Variants in RORA observed in about 807,000 individuals in gnomAD.
RORA encodes RAR related orphan receptor A.
A neutral mutation model predicts 69.5 loss-of-function variants in RORA; 7 were observed. That is an observed-to-expected ratio of 0.10 (90% CI 0.06 to 0.19). The LOEUF (loss-of-function observed/expected upper bound fraction) is 0.19. RORA is among the 10% of genes least tolerant of loss of function. The pLI, the probability that RORA is intolerant of heterozygous loss-of-function variation, is 1.00. For synonymous variants in RORA, 261 were observed against 240.8 expected, an observed-to-expected ratio of 1.08 and a Z score of -0.78; for missense variants, 457 against 663.0, an observed-to-expected ratio of 0.69 and a Z score of 3.41.
chr15:61,016,048 G>A (rs1895273837), intron 1 of RORA, among the ~76,000 whole-genome samples: 1 of 152,242 alleles, frequency 6.6e-6, no homozygotes. Context: ...GGAAACAGAA[G>A]AGTATCAGGC....
chr15:61,141,265 T>C (rs1199529953), intron 1 of RORA, among the ~76,000 whole-genome samples: 1 of 152,222 alleles, frequency 6.6e-6, no homozygotes, highest in Non-Finnish European at 1.5e-5. Context: ...CCTATGTTAC[T>C]GAGAATAAAT....
intron 3 of RORA, among the ~76,000 whole-genome samples, chr15:60,523,198 T>C (rs927751846): frequency 2.6e-5 from 4 of 152,208 alleles, no homozygotes; most frequent in Admixed American, 2.6e-4. Flanking sequence ...AAGGAAGTGG[T>C]TCATGTCATT....
chr15:60,715,766 A>C (rs923942561), intron 1 of RORA, among the ~76,000 whole-genome samples: 2 of 152,186 alleles, frequency 1.3e-5, no homozygotes, highest in Non-Finnish European at 2.9e-5. Flanking sequence ...AACTGTATGC[A>C]TGTACACAAA....
intron 1 of RORA, among the ~76,000 whole-genome samples, chr15:60,932,425 A>G (rs555093193): frequency 1.3e-5 from 2 of 152,332 alleles, no homozygotes; most frequent in Admixed American, 1.3e-4. Flanking sequence ...ATTCATAGGT[A>G]AGGAAACTGA....
intron 1 of RORA, among the ~76,000 whole-genome samples, chr15:60,834,613 C>T (rs115986990): frequency 0.01 from 1,535 of 152,242 alleles, 37 homozygotes; most frequent in African/African-American, 0.035. Context: ...TCAGTGAGGC[C>T]ACTTAAGCAA....
intron 1 of RORA, among the ~76,000 whole-genome samples, chr15:60,951,355 C>T (rs1211333871): frequency 3.0e-5 from 4 of 134,616 alleles, no homozygotes; most frequent in East Asian, 4.3e-4. Context: ...CCAAAATTGA[C>T]ACCCTAACAT....
intron 1 of RORA, among the ~76,000 whole-genome samples, chr15:61,015,828 G>T (rs952071079): frequency 6.6e-6 from 1 of 152,234 alleles, no homozygotes; most frequent in South Asian, 2.1e-4. Flanking sequence ...GTCTTAGGTT[G>T]CATTAATTGA....
At chr15:60,951,370 A>T (rs551818511) in intron 1 of RORA, among the ~76,000 whole-genome samples, 1 of 141,502 alleles carries the variant, frequency 7.1e-6, no homozygotes, top group South Asian at 2.5e-4. Flanking sequence ...TAACATCACA[A>T]TTAAAAGAAC....
intron 1 of RORA, among the ~76,000 whole-genome samples, chr15:61,030,835 T>C (rs1347439744): frequency 7.2e-5 from 11 of 151,914 alleles, no homozygotes; most frequent in Non-Finnish European, 8.8e-5. Context: ...TCTTCCCCAT[T>C]AATTTTGAGA....
chr15:60,708,536 G>T (rs1297599048), intron 1 of RORA, among the ~76,000 whole-genome samples: 2 of 152,166 alleles, frequency 1.3e-5, no homozygotes, highest in African/African-American at 4.8e-5. Context: ...GTGTCCCAGG[G>T]TGGGTGGGAG....
At chr15:60,561,018 A>G (rs7174923) in intron 2 of RORA, among the ~76,000 whole-genome samples, 32,238 of 151,236 alleles carry the variant, frequency 0.21, 5,240 homozygotes, top group African/African-American at 0.46. Context: ...GATGTTTTAA[A>G]ATGTAAGTGT....
chr15:61,156,293 T>C (rs2079441865), intron 1 of RORA, among the ~76,000 whole-genome samples: 1 of 152,176 alleles, frequency 6.6e-6, no homozygotes, highest in Non-Finnish European at 1.5e-5. Flanking sequence ...ATTTTTTGTT[T>C]GTGTTATAAT....
chr15:61,224,779 C>T (rs560645798), intron 1 of RORA, among the ~76,000 whole-genome samples: 14 of 152,314 alleles, frequency 9.2e-5, no homozygotes, highest in African/African-American at 3.1e-4. Flanking sequence ...TTACAATTAA[C>T]ATTCTCACGC....
chr15:60,696,894 C>T (rs1347407176), intron 1 of RORA, among the ~76,000 whole-genome samples: 2 of 152,240 alleles, frequency 1.3e-5, no homozygotes, highest in South Asian at 2.1e-4. Flanking sequence ...GCCTTAGAGG[C>T]ATTTATATTC....
At chr15:60,587,243 T>A (rs890926470) in intron 2 of RORA, among the ~76,000 whole-genome samples, 1 of 151,950 alleles carries the variant, frequency 6.6e-6, no homozygotes, top group Non-Finnish European at 1.5e-5. Context: ...AAAATCATGG[T>A]TGAAGAGAGC....
chr15:60,882,527 C>T (rs1337901913), intron 1 of RORA, among the ~76,000 whole-genome samples: 1 of 152,086 alleles, frequency 6.6e-6, no homozygotes. Context: ...TAGAACTACC[C>T]AGTTTGGAGG....
At position 61,077,897 on chromosome 15, in the gene RORA, A is replaced by G. The variant is rs2078476553; in HGVS notation, c.166+151156T>C. Among the ~76,000 whole-genome samples the G allele has an allele frequency of 3.3e-5, 5 of 152,092 alleles. No homozygotes were observed. The South Asian group carries it at 1.0e-3, about 32-fold the overall frequency. ...TGCCTGAATATTCTACTTCTTCTGTACCAGCAGAGAGTAGGGTGAAGGCCC... is the reference window on the plus strand; with the variant it reads ...TGCCTGAATATTCTACTTCTTCTGTGCCAGCAGAGAGTAGGGTGAAGGCCC... On this transcript the variant is annotated intron_variant, in intron 1 of 10. Coordinates refer to ENST00000335670, the MANE Select transcript of RORA (RefSeq NM_134261.3).
chr15:60,838,584 GC>G (rs1298824405), intron 1 of RORA, among the ~76,000 whole-genome samples: 1 of 152,162 alleles, frequency 6.6e-6, no homozygotes, highest in Non-Finnish European at 1.5e-5. Context: ...AAAAAAAGTG[GC>G]AGAAGCCACA....
chr15:60,615,143 G>C, intron 2 of RORA: 8 of 1,321,550 alleles, frequency 6.1e-6, no homozygotes, highest in Non-Finnish European at 7.3e-6. Context: ...ATGCTCTCTC[G>C]TGTTTCCTCA....
Sources: allele counts gnomAD v4.1 joint callset (sites outside exome capture counted in the v4.1 genomes callset), GRCh38; gene constraint gnomAD v4.1.1; transcripts MANE v1.5; gene names NCBI Gene and HGNC (gene_info 2026-07-23, HGNC 2026-07-21).